Variants in ESRRB observed in about 807,000 individuals in gnomAD.
ESRRB encodes the protein estrogen related receptor beta.
A neutral mutation model predicts 46.0 loss-of-function variants in ESRRB; 16 were observed. That is an observed-to-expected ratio of 0.35 (90% CI 0.24 to 0.53). The LOEUF (loss-of-function observed/expected upper bound fraction) is 0.53. Among genes scored for constraint, ESRRB ranks in the 20% least tolerant of loss-of-function variants. The pLI is 0.93. For missense variants in ESRRB, 488 were observed against 607.4 expected (o/e 0.80, Z 2.07); for synonymous variants, 246 against 259.6 (o/e 0.95, Z 0.50).
intron 1 of ESRRB, among the ~76,000 whole-genome samples, chr14:76,318,906 ATGTGCACATG>A (rs1170552350): frequency 6.6e-6 from 1 of 152,178 alleles, no homozygotes; most frequent in Non-Finnish European, 1.5e-5. Context: ...AATACCCCTA[ATGTGCACATG>A]TGTGCACAAG....
intron 2 of ESRRB, among the ~76,000 whole-genome samples, chr14:76,448,536 A>T (rs917170963): frequency 6.7e-6 from 1 of 150,028 alleles, no homozygotes; most frequent in African/African-American, 2.5e-5. Context: ...GGGTTTCACC[A>T]TGTTGGCCAG....
In ESRRB at chr14:76,361,946, T is replaced by A. The variant is rs551386250; in HGVS notation, c.2+51030T>A. On this transcript the variant is annotated intron_variant, in intron 1 of 6. Coordinates refer to the ESRRB transcript ENST00000512784. ...TGGAGCAGAGAGGGCAGCTTGGGAA[T>A]AGGAGCCTTATGAGCTGTCACAGTA... 3.3e-5 allele frequency among the ~76,000 whole-genome samples: 5 copies of A among 152,250 alleles called. No homozygotes were observed. The South Asian group carries it at 1.0e-3, about 32-fold the overall frequency.
chr14:76,369,587 T>C (rs376237757), upstream of ESRRB, among the ~76,000 whole-genome samples: 2 of 152,184 alleles, frequency 1.3e-5, no homozygotes, highest in African/African-American at 4.8e-5. Flanking sequence ...ATGTTTGATT[T>C]TTCCTAAAAC....
chr14:76,372,838 A>T (rs1329530855), upstream of ESRRB, among the ~76,000 whole-genome samples: 1 of 152,242 alleles, frequency 6.6e-6, no homozygotes, highest in Non-Finnish European at 1.5e-5. Context: ...TCTCAAAAAG[A>T]AAGAAAAGAA....
intron 3 of ESRRB, among the ~76,000 whole-genome samples, chr14:76,471,376 A>G (rs1889367964): frequency 6.6e-6 from 1 of 152,086 alleles, no homozygotes; most frequent in Non-Finnish European, 1.5e-5. Flanking sequence ...TTTGCTTTAC[A>G]TCACTCAGTG....
In ESRRB at chr14:76,498,366, G is replaced by T. The variant is rs1166604553; in HGVS notation, c.1273G>T (p.Ala425Ser). The T allele has an allele frequency of 6.2e-7, 1 of 1,612,800 alleles. No individual in the cohort carries two copies. The highest frequency in any genetic ancestry group is 8.5e-7 in the Non-Finnish European group (1 of 1,179,646). The stretch of plus-strand genomic sequence containing the variant: ...ACTGCCGCTGCTGCGGCAGACGGCC[G>T]CCAAGGCCGTGCAGCACTTCTATAG... ...LTLPLLRQTAAKAVQHFYSVK... is the reference protein window; with the variant it reads ...LTLPLLRQTASKAVQHFYSVK... Residue 425 changes from alanine (A) to serine (S), a missense_variant, in exon 7 of 7, where the codon GCC becomes TCC. Transcript: ENST00000644823.
intron 1 of ESRRB, among the ~76,000 whole-genome samples, chr14:76,315,532 A>C (rs1883789562): frequency 6.6e-6 from 1 of 152,208 alleles, no homozygotes; most frequent in African/African-American, 2.4e-5. Flanking sequence ...CCCATCTGCA[A>C]AATGGGGATA....
At chr14:76,441,939 C>T (rs1235136628) in intron 2 of ESRRB, among the ~76,000 whole-genome samples, 2 of 152,162 alleles carry the variant, frequency 1.3e-5, no homozygotes, top group African/African-American at 2.4e-5. Context: ...TAAGCTTCCC[C>T]GGGATGATTC....
chr14:76,398,081 G>C, intron 1 of ESRRB, among the ~76,000 whole-genome samples: 1 of 152,150 alleles, frequency 6.6e-6, no homozygotes, highest in East Asian at 1.9e-4. Context: ...TGCCTCCTAC[G>C]CCAGCTTGTG....
intron 1 of ESRRB, among the ~76,000 whole-genome samples, chr14:76,429,734 G>A (rs1252494528): frequency 2.0e-5 from 3 of 152,056 alleles, no homozygotes; most frequent in Non-Finnish European, 4.4e-5. Context: ...TGGGCAACAA[G>A]AGTAAAACTC....
intron 1 of ESRRB, among the ~76,000 whole-genome samples, chr14:76,395,315 C>T (rs1885630955): frequency 6.6e-6 from 1 of 152,194 alleles, no homozygotes; most frequent in Non-Finnish European, 1.5e-5. Context: ...CATCCCTGCT[C>T]CGAGGTCACT....
chr14:76,312,521 T>A (rs1883750619), intron 1 of ESRRB, among the ~76,000 whole-genome samples: 1 of 150,734 alleles, frequency 6.6e-6, no homozygotes, highest in African/African-American at 2.4e-5. Flanking sequence ...AGTGGAGAAA[T>A]TCAGAACAAG....
Position 76,482,656 on chromosome 14 carries a change from T to TC in ESRRB, c.752dup (p.Gly252TrpfsTer4), listed in dbSNP as rs1889855367. 6.2e-7 allele frequency: 1 copy of TC among 1,613,816 alleles called. No individual in the cohort carries two copies. The highest frequency in any genetic ancestry group is 1.3e-5 in the African/African-American group (1 of 74,842). ...AGCCGGACAAGCTCTATGCCATGCC[T>TC]CCCCCTGGTATGCCTGAGGGGGACA... On this transcript the variant is annotated frameshift_variant, in exon 5 of 7. Transcript: ENST00000644823. LOFTEE classifies it high-confidence loss of function. The surrounding 1 kb of genome is among the most constrained non-coding windows in gnomAD (Gnocchi z 4.3).
chr14:76,419,530 G>C (rs1051140842), intron 1 of ESRRB, among the ~76,000 whole-genome samples: 2 of 152,092 alleles, frequency 1.3e-5, no homozygotes, highest in Admixed American at 1.3e-4. Context: ...CATGAACTTG[G>C]GGTTCCTTCT....
intron 5 of ESRRB, among the ~76,000 whole-genome samples, chr14:76,490,341 T>A (rs1890176642): frequency 6.6e-6 from 1 of 152,256 alleles, no homozygotes; most frequent in Non-Finnish European, 1.5e-5. Context: ...AATCAAGATG[T>A]TAATTGACTT....
At chr14:76,358,311 C>CAAAAAAA (rs1191247686) in intron 1 of ESRRB, among the ~76,000 whole-genome samples, 3 of 23,114 alleles carry the variant, frequency 1.3e-4, no homozygotes, top group African/African-American at 4.2e-4. Flanking sequence ...GACTCTGTCT[C>CAAAAAAA]AAAAAAAAAA....
intron 3 of ESRRB, among the ~76,000 whole-genome samples, chr14:76,474,479 G>A (rs1034975464): frequency 7.9e-5 from 12 of 152,146 alleles, no homozygotes; most frequent in African/African-American, 2.2e-4. Flanking sequence ...CAAAATATAC[G>A]TCAAGTACAA....
chr14:76,452,636 AC>A (rs1566906509), intron 2 of ESRRB, among the ~76,000 whole-genome samples: 3 of 139,264 alleles, frequency 2.2e-5, no homozygotes, highest in African/African-American at 8.2e-5. Flanking sequence ...AAAAAACAAA[AC>A]AAAAACAAAA....
chr14:76,367,936 C>G (rs1008174452), upstream of ESRRB, among the ~76,000 whole-genome samples: 1 of 150,720 alleles, frequency 6.6e-6, no homozygotes, highest in Admixed American at 6.6e-5. Context: ...TTCCACAACA[C>G]CCTTCCAGTT....
Sources: allele counts gnomAD v4.1 joint callset (sites outside exome capture counted in the v4.1 genomes callset), GRCh38; gene constraint gnomAD v4.1.1; non-coding constraint Gnocchi (gnomAD v3.1); transcripts MANE v1.5; gene names NCBI Gene and HGNC (gene_info 2026-07-23, HGNC 2026-07-21).